Variants in KCNN2 observed in about 807,000 individuals in gnomAD.
The protein encoded by KCNN2 is small conductance calcium-activated potassium channel protein 2.
In KCNN2, 24 loss-of-function variants were observed where a neutral mutation model predicts 55.5. That is an observed-to-expected ratio of 0.43 (90% CI 0.31 to 0.61). The LOEUF (loss-of-function observed/expected upper bound fraction) is 0.61, where lower values mean the gene tolerates loss of function less well. Among genes scored for constraint, KCNN2 ranks in the 20% least tolerant of loss-of-function variants. The pLI, the probability that KCNN2 is intolerant of heterozygous loss-of-function variation, is 0.08. For synonymous variants in KCNN2, 431 were observed against 336.1 expected, an observed-to-expected ratio of 1.28 and a Z score of -3.09; for missense variants, 754 against 853.6, an observed-to-expected ratio of 0.88 and a Z score of 1.45.
intron 2 of KCNN2, among the ~76,000 whole-genome samples, chr5:114,320,613 CAAA>C (rs1226435096): frequency 1.7e-5 from 2 of 117,928 alleles, no homozygotes; most frequent in Non-Finnish European, 1.8e-5. Context: ...GACTCTGTCT[CAAA>C]AAAAAAAAAA....
At chr5:114,224,141 A>T (rs984793234) in intron 2 of KCNN2, among the ~76,000 whole-genome samples, 1 of 152,156 alleles carries the variant, frequency 6.6e-6, no homozygotes, top group African/African-American at 2.4e-5. Flanking sequence ...AATTCAGCTG[A>T]CCACAGAACT....
At chr5:114,369,330 G>A (rs577359176) in intron 2 of KCNN2, among the ~76,000 whole-genome samples, 6 of 152,144 alleles carry the variant, frequency 3.9e-5, no homozygotes, top group South Asian at 2.1e-4. Flanking sequence ...ATATCAGTGC[G>A]TTATCTAATC....
intron 2 of KCNN2, among the ~76,000 whole-genome samples, chr5:114,390,280 A>G (rs337692): frequency 0.02 from 3,071 of 152,252 alleles, 118 homozygotes; most frequent in African/African-American, 0.069. Context: ...TTGGTTCCCC[A>G]TCTACTTGCA....
intron 1 of KCNN2, among the ~76,000 whole-genome samples, chr5:114,119,667 C>G (rs1751786875): frequency 6.6e-6 from 1 of 152,156 alleles, no homozygotes; most frequent in African/African-American, 2.4e-5. Flanking sequence ...TTCTTCAAGA[C>G]TCTGTTTAAG....
intron 1 of KCNN2, among the ~76,000 whole-genome samples, chr5:114,168,368 C>A (rs1278068784): frequency 6.6e-6 from 1 of 151,878 alleles, no homozygotes; most frequent in Non-Finnish European, 1.5e-5. Flanking sequence ...GCTATTTTTG[C>A]CTAAAAGACG....
Position 114,363,028 on chromosome 5 carries a change from G to T in KCNN2, c.889G>T (p.Gly297Cys). The stretch of plus-strand genomic sequence containing the variant: ...CAACAACCTGGCGCTCTATGGAACC[G>T]GCGGCGGAGGCAGCACTGGAGGAGG... ...NSNNLALYGT[G>C]GGGSTGGGGG... Residue 297 changes from glycine to cysteine, a missense_variant, in exon 1 of 8, where the codon GGC becomes TGC. Physicochemically the swap from Gly to Cys is radical, Grantham distance 159. Transcript: ENST00000673685. 1 of 1,602,992 alleles carries T rather than the reference G, an allele frequency of 6.2e-7. No individual in the cohort carries two copies. Among genetic ancestry groups the T allele is most frequent in the Non-Finnish European group, 8.5e-7 (1 of 1,176,928 alleles).
intron 1 of KCNN2, among the ~76,000 whole-genome samples, chr5:114,150,060 C>T (rs1429746287): frequency 3.9e-5 from 6 of 152,150 alleles, no homozygotes; most frequent in South Asian, 2.1e-4. Flanking sequence ...ACTGCATGTC[C>T]GTTCATAGGC....
intron 2 of KCNN2, among the ~76,000 whole-genome samples, chr5:114,394,985 A>C (rs1236446054): frequency 6.6e-6 from 1 of 152,170 alleles, no homozygotes; most frequent in African/African-American, 2.4e-5. Flanking sequence ...GACTAAAATT[A>C]TGTTTTTCAG....
Position 114,353,266 on chromosome 5 carries a change from C to T in KCNN2, c.-184-7679C>T, listed in dbSNP as rs546830432. ...AGACAGTAGATATGTATTTATAGAA[C>T]TTGTTATACTAACCTATTTATTTAC... On this transcript the variant is annotated intron_variant, in intron 2 of 10. Coordinates refer to the KCNN2 transcript ENST00000512097. Among the ~76,000 whole-genome samples the T allele has an allele frequency of 4.0e-5, 6 of 151,746 alleles. No individual in the cohort carries two copies. The South Asian group carries it at 1.0e-3, about 26-fold the overall frequency.
At chr5:114,231,395 T>G in intron 2 of KCNN2, among the ~76,000 whole-genome samples, 1 of 140,420 alleles carries the variant, frequency 7.1e-6, no homozygotes, top group East Asian at 2.1e-4. Context: ...CTAGGTTTTC[T>G]TCTAGGGTTT....
At chr5:114,474,424 G>T (rs1341289085) in intron 5 of KCNN2, among the ~76,000 whole-genome samples, 1 of 152,056 alleles carries the variant, frequency 6.6e-6, no homozygotes. Flanking sequence ...TACCACTTTG[G>T]AATGTCTTCT....
chr5:114,363,328 G>T (rs1012411037), intron 1 of KCNN2, 67 bp downstream of exon 1: 2 of 1,467,138 alleles, frequency 1.4e-6, no homozygotes, highest in African/African-American at 2.8e-5. Flanking sequence ...GGGCACTGGC[G>T]GGGACCCTTT....
At chr5:114,303,227 C>T (rs540326113) in intron 2 of KCNN2, among the ~76,000 whole-genome samples, 8 of 152,134 alleles carry the variant, frequency 5.3e-5, no homozygotes, top group Admixed American at 6.5e-5. Flanking sequence ...CTCTACTTCG[C>T]GTTTTATATG....
chr5:114,085,607 C>T (rs1213483056), intron 1 of KCNN2, among the ~76,000 whole-genome samples: 1 of 151,922 alleles, frequency 6.6e-6, no homozygotes, highest in Non-Finnish European at 1.5e-5. Flanking sequence ...GTATAAAAAA[C>T]ACACTGTTTA....
At chr5:114,432,637 G>A (rs2150087725) in intron 3 of KCNN2, among the ~76,000 whole-genome samples, 1 of 152,296 alleles carries the variant, frequency 6.6e-6, no homozygotes, top group East Asian at 1.9e-4. Flanking sequence ...TTCTGGGCTG[G>A]CCAAGGCCAG....
intron 1 of KCNN2, among the ~76,000 whole-genome samples, chr5:114,101,627 C>G (rs1359885383): frequency 6.6e-6 from 1 of 151,420 alleles, no homozygotes; most frequent in Non-Finnish European, 1.5e-5. Flanking sequence ...ACGTTCAGCT[C>G]CTTGTGCCCA....
At chr5:114,201,963 C>A (rs2112572860) in intron 1 of KCNN2, among the ~76,000 whole-genome samples, 1 of 152,180 alleles carries the variant, frequency 6.6e-6, no homozygotes, top group Admixed American at 6.5e-5. Context: ...AGGTCCCTCC[C>A]AGGCAAGCAG....
chr5:114,362,311 C>T lies in KCNN2; in HGVS notation c.172C>T (p.Pro58Ser), dbSNP rs979076303. ...HHHPHLAHQQPASGGSSPCLR... is the reference protein window; with the variant it reads ...HHHPHLAHQQSASGGSSPCLR... ...CCACCCGCACCTCGCGCACCAGCAG[C>T]CGGCCAGCGGCGGCAGCAGCCCATG... is the stretch of plus-strand genomic sequence containing the variant. Residue 58 changes from proline (P) to serine (S), a missense_variant, in exon 1 of 8, where the codon CCG (proline) becomes TCG (serine). Coordinates refer to ENST00000673685, the MANE Select transcript of KCNN2 (RefSeq NM_021614.4). 1.1e-5 allele frequency: 2 copies of T among 185,578 alleles called. No homozygotes were observed. The highest frequency in any genetic ancestry group is 2.4e-5 in the African/African-American group (1 of 42,216). 11.5% of individuals were successfully genotyped at this position (185,578 alleles called of 1,614,324 possible). A position where few individuals can be genotyped will look rare whatever the true frequency, so the allele number is the denominator to read the frequency against.
chr5:114,414,993 A>G (rs187424015), intron 3 of KCNN2, among the ~76,000 whole-genome samples: 143 of 152,290 alleles, frequency 9.4e-4, no homozygotes, highest in African/African-American at 3.3e-3. Context: ...TCCCTCTTGC[A>G]GTCTTCCAGG....
Sources: gnomAD v4.1 joint callset for allele counts (sites outside exome capture counted in the v4.1 genomes callset) on GRCh38, gnomAD v4.1.1 for gene constraint, MANE v1.5 for transcripts, NCBI Gene and HGNC (gene_info 2026-07-23, HGNC 2026-07-21) for gene names.